The following PPM1B variants were observed in gnomAD, a reference collection of about 807,000 sequenced individuals.
The protein encoded by PPM1B is protein phosphatase, Mg2+/Mn2+ dependent 1B.
In PPM1B, 22 loss-of-function variants were observed where a neutral mutation model predicts 43.0. The ratio of observed to expected loss-of-function variants is 0.51; its 90% CI spans 0.37 to 0.73. PPM1B has a LOEUF of 0.73. Among genes scored for constraint, PPM1B ranks in the 30% least tolerant of loss-of-function variants. The pLI, the probability that PPM1B is intolerant of heterozygous loss-of-function variation, is 0.00. For synonymous variants in PPM1B, 217 were observed against 197.9 expected, an observed-to-expected ratio of 1.10 and a Z score of -0.81; for missense variants, 632 against 584.2, an observed-to-expected ratio of 1.08 and a Z score of -0.84.
chr2:44,240,514 T>A (rs868310544), intron 5 of PPM1B, among the ~76,000 whole-genome samples: 1 of 146,096 alleles, frequency 6.8e-6, no homozygotes, highest in Non-Finnish European at 1.5e-5. Flanking sequence ...AAAATGTTTA[T>A]ATTATGTTCG....
At chr2:44,192,249 G>A (rs551080332) in intron 1 of PPM1B, among the ~76,000 whole-genome samples, 23 of 136,556 alleles carry the variant, frequency 1.7e-4, no homozygotes, top group African/African-American at 6.0e-4. Flanking sequence ...ATGGAGTTTC[G>A]CTCTGTCGCC....
chr2:44,236,649 G>T (rs955027556), downstream of PPM1B, among the ~76,000 whole-genome samples: 5 of 152,070 alleles, frequency 3.3e-5, no homozygotes, highest in Non-Finnish European at 7.4e-5. Flanking sequence ...TGAAACCTTG[G>T]AAAATACGCA....
At chr2:44,232,450 A>G, downstream of PPM1B, 5 of 1,565,236 alleles carry the variant, frequency 3.2e-6, no homozygotes, top group East Asian at 2.3e-5. Context: ...CGGATTCCCA[A>G]CGTTTTGTGA....
chr2:44,232,308 TC>T (rs1278416803), downstream of PPM1B: 3 of 1,604,224 alleles, frequency 1.9e-6, no homozygotes, highest in African/African-American at 2.7e-5. Context: ...CCTTTTCTCT[TC>T]CTGTAGGGTG....
chr2:44,200,496 T>G (rs2104123154), intron 1 of PPM1B, among the ~76,000 whole-genome samples: 1 of 152,298 alleles, frequency 6.6e-6, no homozygotes, highest in Non-Finnish European at 1.5e-5. Context: ...CAAAGTGAAG[T>G]CCATTTTTTA....
Position 44,231,353 on chromosome 2 carries a change from C to CT in PPM1B, c.*638dup. ...AAAAACCTATGTATTATTCATACAG[C>CT]TTTGGTTTGTATATTCTGTATAGCC... On this transcript the variant is annotated 3_prime_UTR_variant, in exon 6 of 6. Transcript: ENST00000282412. The CT allele has an allele frequency of 1.0e-6, 1 of 977,158 alleles. No homozygotes were observed. The highest frequency in any genetic ancestry group is 1.2e-6 in the Non-Finnish European group (1 of 822,544). The allele number at this position is 977,158 out of a possible 1,614,324, so 60.5% of individuals were successfully genotyped here.
At chr2:44,184,443 A>G (rs1668028785) in intron 1 of PPM1B, among the ~76,000 whole-genome samples, 1 of 152,144 alleles carries the variant, frequency 6.6e-6, no homozygotes. Flanking sequence ...GTGCTCAAGA[A>G]CTTAGTTCTT....
chr2:44,244,901 CAT>C (rs1412054771), downstream of PPM1B, among the ~76,000 whole-genome samples: 1 of 149,310 alleles, frequency 6.7e-6, no homozygotes, highest in East Asian at 2.0e-4. Context: ...TACATATACA[CAT>C]GTATTTTTAG....
At chr2:44,227,924 T>A (rs1306530357) in intron 5 of PPM1B, among the ~76,000 whole-genome samples, 2 of 83,134 alleles carry the variant, frequency 2.4e-5, no homozygotes, top group African/African-American at 1.5e-4. Flanking sequence ...TTTCTTTTCT[T>A]TTTTTTTTTT....
In PPM1B at chr2:44,201,993, C is replaced by T; in HGVS notation, c.794C>T (p.Ser265Phe). ...CEYVKSRLEV[S>F]DDLENVCNWV... ...TATGTTAAATCTAGGCTTGAGGTAT[C>T]TGATGACCTGGAAAATGTGTGCAAT... The change falls in exon 2 of 6, where the codon TCT (serine) becomes TTT (phenylalanine). Residue 265 changes from serine (S) to phenylalanine (F), a missense_variant. Physicochemically the swap from Ser to Phe is radical, Grantham distance 155 (BLOSUM62 -2). Transcript: ENST00000282412. This position sits in a 1 kb window ranked among gnomAD's most constrained non-coding sequence, Gnocchi z 5.4. 1 of 1,611,478 alleles carries T rather than the reference C, an allele frequency of 6.2e-7. No individual in the cohort carries two copies. Among genetic ancestry groups the T allele is most frequent in the Non-Finnish European group, 8.5e-7 (1 of 1,178,676 alleles).
intron 1 of PPM1B, among the ~76,000 whole-genome samples, chr2:44,193,990 A>G (rs1267452418): frequency 6.6e-6 from 1 of 152,184 alleles, no homozygotes; most frequent in Non-Finnish European, 1.5e-5. Context: ...CTGGGGTTGC[A>G]GGCATGAACT....
Position 44,218,063 on chromosome 2 carries a change from G to GCA in PPM1B, c.1061_1062insCA (p.Gly355LysfsTer17). 6.2e-7 allele frequency: 1 copy of GCA among 1,612,364 alleles called. No individual in the cohort carries two copies. The highest frequency in any genetic ancestry group is 8.5e-7 in the Non-Finnish European group (1 of 1,179,154). On this transcript the variant is annotated frameshift_variant, in exon 4 of 6. Coordinates refer to ENST00000282412, the MANE Select transcript of PPM1B (RefSeq NM_002706.6). LOFTEE classifies it high-confidence loss of function. ...AATATCCCAAATTTGCCTCCTGGGGGAGGTCTTGCTGGCAAGTAAGTAGAA... is the reference window on the plus strand; with the variant it reads ...AATATCCCAAATTTGCCTCCTGGGGGCAAGGTCTTGCTGGCAAGTAAGTAGAA...
intron 2 of PPM1B, among the ~76,000 whole-genome samples, chr2:44,208,603 C>T (rs1205973053): frequency 6.6e-6 from 1 of 152,168 alleles, no homozygotes; most frequent in Non-Finnish European, 1.5e-5. Flanking sequence ...ATGCCAGCTA[C>T]TCAGGAGGCT....
chr2:44,234,061 G>A (rs151095873), downstream of PPM1B: 170 of 969,674 alleles, frequency 1.8e-4, 2 homozygotes, highest in African/African-American at 2.6e-3. Flanking sequence ...GATAAAAACA[G>A]TGTGACATAT....
chr2:44,245,112 A>G (rs1670832453), downstream of PPM1B, among the ~76,000 whole-genome samples: 1 of 152,150 alleles, frequency 6.6e-6, no homozygotes, highest in African/African-American at 2.4e-5. Context: ...TTCACACCAA[A>G]AACACACACA....
intron 2 of PPM1B, among the ~76,000 whole-genome samples, chr2:44,208,528 C>A (rs1471781888): frequency 1.3e-5 from 2 of 151,980 alleles, no homozygotes. Flanking sequence ...GCCTGGTCAA[C>A]ATGGTGAAAC....
chr2:44,224,661 G>A (rs1026283383), intron 5 of PPM1B, among the ~76,000 whole-genome samples: 1 of 150,144 alleles, frequency 6.7e-6, no homozygotes, highest in Admixed American at 6.8e-5. Context: ...TGAGAGATTC[G>A]ACTTTTAAGC....
downstream of PPM1B, among the ~76,000 whole-genome samples, chr2:44,239,389 A>G (rs1572768236): frequency 6.6e-6 from 1 of 152,028 alleles, no homozygotes; most frequent in East Asian, 1.9e-4. Context: ...TATAGTCTAG[A>G]TACCAATCCT....
chr2:44,190,672 C>T (rs1668367009), intron 1 of PPM1B, among the ~76,000 whole-genome samples: 4 of 152,120 alleles, frequency 2.6e-5, no homozygotes, highest in Admixed American at 1.3e-4. Flanking sequence ...TTAGACCAGG[C>T]GTCTGTTAAA....
Sources: allele counts gnomAD v4.1 joint callset (sites outside exome capture counted in the v4.1 genomes callset), GRCh38; gene constraint gnomAD v4.1.1; non-coding constraint Gnocchi (gnomAD v3.1); transcripts MANE v1.5; gene names NCBI Gene and HGNC (gene_info 2026-07-23, HGNC 2026-07-21).